RUSC2: variants seen among roughly 807,000 people sequenced by gnomAD.
The protein encoded by RUSC2 is RUN and SH3 domain containing 2.
A neutral mutation model predicts 122.2 loss-of-function variants in RUSC2; 34 were observed. That is an observed-to-expected ratio of 0.28 (90% CI 0.21 to 0.37). The LOEUF (loss-of-function observed/expected upper bound fraction) is 0.37, where lower values mean the gene tolerates loss of function less well. Ranked by LOEUF, RUSC2 falls within the 10% of genes least tolerant of loss-of-function variation. The probability of loss-of-function intolerance (pLI) is 1.00; values close to 1 mark genes in which losing one functional copy is unlikely to be tolerated. For missense variants in RUSC2, 1,747 were observed against 1,952.4 expected (o/e 0.89, Z 1.98); for synonymous variants, 784 against 790.0 (o/e 0.99, Z 0.13).
At chr9:35,533,017 G>T (rs559924801) in intron 1 of RUSC2, among the ~76,000 whole-genome samples, 1 of 152,094 alleles carries the variant, frequency 6.6e-6, no homozygotes, top group East Asian at 1.9e-4. Context: ...AGGCCTAGGC[G>T]AGCAGATCAC....
At position 35,495,847 on chromosome 9, in the gene RUSC2, A is replaced by G. The variant is rs1366204882; in HGVS notation, c.-93+5675A>G. On this transcript the variant is annotated intron_variant, in intron 1 of 11. Transcript: ENST00000361226. The stretch of plus-strand genomic sequence containing the variant: ...TATTTATGTCTAATTTCTTCCAGCA[A>G]TGTTTTGTATTTCTCAGTGTACAAG... Among the ~76,000 whole-genome samples, 3 of 152,240 alleles carry G rather than the reference A, an allele frequency of 2.0e-5. No individual in the cohort carries two copies. The East Asian group carries it at 5.8e-4, about 29-fold the overall frequency.
Position 35,546,945 on chromosome 9 carries a change from C to T in RUSC2, c.424C>T (p.His142Tyr), listed in dbSNP as rs1821760057. 2 of 1,574,452 alleles carry T rather than the reference C, an allele frequency of 1.3e-6. No homozygotes were observed. Among genetic ancestry groups the T allele is most frequent in the Non-Finnish European group, 1.7e-6 (2 of 1,159,252 alleles). ...HLHGTGQPNFHLSSFQLPPSG... is the reference protein window; with the variant it reads ...HLHGTGQPNFYLSSFQLPPSG... ...GCATGGCACTGGCCAGCCCAACTTT[C>T]ATCTATCCTCTTTCCAGCTGCCACC... Residue 142 changes from histidine (H) to tyrosine (Y), a missense_variant, in exon 2 of 12, where the codon CAT (histidine) becomes TAT (tyrosine). Transcript: ENST00000361226. This position sits in a 1 kb window ranked among gnomAD's most constrained non-coding sequence, Gnocchi z 4.3.
At chr9:35,508,182 T>C (rs1820950609) in intron 1 of RUSC2, among the ~76,000 whole-genome samples, 1 of 152,188 alleles carries the variant, frequency 6.6e-6, no homozygotes, top group African/African-American at 2.4e-5. Flanking sequence ...CAAACGTGTC[T>C]ACAGCCATCC....
chr9:35,525,301 G>A (rs1036148572), intron 1 of RUSC2, among the ~76,000 whole-genome samples: 2 of 152,156 alleles, frequency 1.3e-5, no homozygotes, highest in East Asian at 3.9e-4. Context: ...TTTCAGATTG[G>A]CCTCTCATCC....
chr9:35,509,656 T>C (rs1016321760), intron 1 of RUSC2, among the ~76,000 whole-genome samples: 1 of 152,210 alleles, frequency 6.6e-6, no homozygotes, highest in Admixed American at 6.5e-5. Flanking sequence ...GACCATGACA[T>C]GGTTCCCTGT....
intron 1 of RUSC2, among the ~76,000 whole-genome samples, chr9:35,505,504 G>T (rs903016919): frequency 6.6e-6 from 1 of 151,982 alleles, no homozygotes; most frequent in African/African-American, 2.4e-5. Context: ...ACCTTGTCTG[G>T]AGCTCCATTA....
At position 35,555,663 on chromosome 9, in the gene RUSC2, G is replaced by A. The variant is rs908789140; in HGVS notation, c.2618G>A (p.Gly873Glu). Residue 873 changes from glycine to glutamate, a missense_variant, in exon 3 of 12, where the codon GGA becomes GAA. Gly to Glu is a moderately conservative substitution (Grantham distance 98, BLOSUM62 -2). Transcript: ENST00000361226. This position sits in a 1 kb window ranked among gnomAD's most constrained non-coding sequence, Gnocchi z 4.6. ...AGCCGAGCAGAGAGCCTGGCCCGGG[G>A]AGGTGGTGAGGGCAGCATGGCCACC... ...GLSRAESLARGGGEGSMATRP... is the reference protein window; with the variant it reads ...GLSRAESLAREGGEGSMATRP... 1.2e-6 allele frequency: 2 copies of A among 1,604,088 alleles called. No homozygotes were observed. Among genetic ancestry groups the A allele is most frequent in the Admixed American group, 1.7e-5 (1 of 58,986 alleles).
intron 1 of RUSC2, among the ~76,000 whole-genome samples, chr9:35,516,022 A>AAAAAAAAAAAAAAAACAAAG (rs1554724501): frequency 7.9e-6 from 1 of 127,116 alleles, no homozygotes; most frequent in Non-Finnish European, 1.6e-5. Context: ...AAAAAAAAAA[A>AAAAAAAAAAAAAAAACAAAG]AGAGAAATGC....
At position 35,555,222 on chromosome 9, in the gene RUSC2, G is replaced by A. The variant is rs1281350628; in HGVS notation, c.2177G>A (p.Ser726Asn). The A allele has an allele frequency of 1.2e-6, 2 of 1,613,054 alleles. No individual in the cohort carries two copies. Among genetic ancestry groups the A allele is most frequent in the African/African-American group, 1.3e-5 (1 of 75,058 alleles). ...CAGCTCTACAGCCTCTCAGGCTGCAGCCGTACACAGCAGCCTGCCCCACTG... is the reference window on the plus strand; with the variant it reads ...CAGCTCTACAGCCTCTCAGGCTGCAACCGTACACAGCAGCCTGCCCCACTG... ...LSQLYSLSGC[S>N]RTQQPAPLAA... The change falls in exon 3 of 12, where the codon AGC (serine) becomes AAC (asparagine). Residue 726 changes from serine (S) to asparagine (N), a missense_variant. Physicochemically the swap from Ser to Asn is conservative, Grantham distance 46. Transcript: ENST00000361226. This position sits in a 1 kb window ranked among gnomAD's most constrained non-coding sequence, Gnocchi z 4.6.
rs370848635 is a variant in RUSC2, at chr9:35,556,019, T to G, written c.2724T>G (p.Pro908=). The change falls in exon 4 of 12, where the codon CCT becomes CCG. Residue 908 remains proline, a synonymous_variant. Coordinates refer to ENST00000361226, the MANE Select transcript of RUSC2 (RefSeq NM_014806.5). ...EYRRKNPLGP[P]GLSGSLDRRS... ...GGAGGAAGAACCCACTAGGGCCACC[T>G]GGTTTGTCAGGGAGCCTAGACCGAA... 27 of 1,614,058 alleles carry G rather than the reference T, an allele frequency of 1.7e-5. No homozygotes were observed. The African/African-American group carries it at 3.3e-4, about 20-fold the overall frequency.
At chr9:35,544,628 G>C (rs1821711237) in intron 1 of RUSC2, among the ~76,000 whole-genome samples, 1 of 152,000 alleles carries the variant, frequency 6.6e-6, no homozygotes, top group African/African-American at 2.4e-5. Context: ...TTATTGTTGA[G>C]TTGTAAGAGT....
At chr9:35,537,373 G>A (rs1254999157) in intron 1 of RUSC2, among the ~76,000 whole-genome samples, 6 of 152,216 alleles carry the variant, frequency 3.9e-5, no homozygotes, top group Non-Finnish European at 8.8e-5. Flanking sequence ...GTATCAGCTA[G>A]GCGAGAGGAA....
intron 1 of RUSC2, among the ~76,000 whole-genome samples, chr9:35,508,854 CAGAA>C (rs1820963407): frequency 6.6e-6 from 1 of 152,074 alleles, no homozygotes; most frequent in South Asian, 2.1e-4. Flanking sequence ...AAGGAAAAGA[CAGAA>C]AGAATACAAG....
chr9:35,561,304 C>T lies in RUSC2; in HGVS notation c.4473C>T (p.Pro1491=), dbSNP rs757539323. 3 of 1,614,142 alleles carry T rather than the reference C, an allele frequency of 1.9e-6. No homozygotes were observed. The highest frequency in any genetic ancestry group is 1.7e-5 in the Admixed American group (1 of 60,024). ...ACTGGCTGCGCTGCAGCCGTGGCCC[C>T]GACTCTGGCCTGGTGCCCCTGGCCT... ...GGDWLRCSRG[P]DSGLVPLAYV... Residue 1491 remains proline (P), a synonymous_variant, in exon 12 of 12, where the codon CCC becomes CCT. Transcript: ENST00000361226.
chr9:35,539,571 ACATGCATG>A (rs74176723), intron 1 of RUSC2, among the ~76,000 whole-genome samples: 69,296 of 151,302 alleles, frequency 0.46, 16,373 homozygotes, highest in Admixed American at 0.56. Context: ...ATACATACAT[ACATGCATG>A]CATGCATGCA....
chr9:35,561,239 A>G lies in RUSC2; in HGVS notation c.4408A>G (p.Lys1470Glu), dbSNP rs1289278284. ...ATGPGQLSFH[K>E]GDILRVLGRA... ...CGGCCCTGGACAGCTGAGCTTCCAC[A>G]AAGGAGACATCCTACGAGTGCTGGG... Residue 1470 changes from lysine to glutamate, a missense_variant, in exon 12 of 12, where the codon AAA becomes GAA. Transcript: ENST00000361226. The G allele has an allele frequency of 1.9e-6, 3 of 1,614,060 alleles. No individual in the cohort carries two copies. In the African/African-American group the frequency reaches 4.0e-5, roughly 22 times the overall value.
intron 1 of RUSC2, among the ~76,000 whole-genome samples, chr9:35,543,004 T>A (rs1473376178): frequency 6.6e-6 from 1 of 152,214 alleles, no homozygotes; most frequent in Non-Finnish European, 1.5e-5. Context: ...AACCCATAGG[T>A]ACCCCTAAAA....
intron 1 of RUSC2, among the ~76,000 whole-genome samples, chr9:35,540,720 T>C (rs1821626586): frequency 6.6e-6 from 1 of 152,114 alleles, no homozygotes; most frequent in Non-Finnish European, 1.5e-5. Context: ...GAGGCTGAAA[T>C]GTGGGTCTAC....
intron 1 of RUSC2, among the ~76,000 whole-genome samples, chr9:35,517,441 A>G (rs933553710): frequency 6.6e-6 from 1 of 152,158 alleles, no homozygotes; most frequent in Non-Finnish European, 1.5e-5. Flanking sequence ...GCTATGTTCC[A>G]GTGAGTCCTG....
Sources: gnomAD v4.1 joint callset for allele counts (sites outside exome capture counted in the v4.1 genomes callset) on GRCh38, gnomAD v4.1.1 for gene constraint, Gnocchi (gnomAD v3.1) non-coding constraint, MANE v1.5 for transcripts, NCBI Gene and HGNC (gene_info 2026-07-23, HGNC 2026-07-21) for gene names.